Variants in CRPPA observed in about 807,000 individuals in gnomAD.
CRPPA encodes CDP-L-ribitol pyrophosphorylase A.
In CRPPA, 43 loss-of-function variants were observed where a neutral mutation model predicts 52.0. That is an observed-to-expected ratio of 0.83 (90% CI 0.65 to 1.07). CRPPA has a LOEUF of 1.07. Among genes scored for constraint, CRPPA ranks in the 50% least tolerant of loss-of-function variants. The probability of loss-of-function intolerance (pLI) is 0.00; values close to 1 mark genes in which losing one functional copy is unlikely to be tolerated. For missense variants in CRPPA, 629 were observed against 551.7 expected (o/e 1.14, Z -1.40); for synonymous variants, 250 against 203.5 (o/e 1.23, Z -1.94).
chr7:16,397,585 G>T (rs571393996), intron 2 of CRPPA, among the ~76,000 whole-genome samples: 2 of 139,234 alleles, frequency 1.4e-5, no homozygotes, highest in Non-Finnish European at 3.0e-5. Flanking sequence ...CATATGAGAC[G>T]TGACAGATTA....
intron 3 of CRPPA, among the ~76,000 whole-genome samples, chr7:16,316,514 ATAGATT>A (rs1446410774): frequency 2.6e-5 from 4 of 152,134 alleles, no homozygotes; most frequent in Non-Finnish European, 5.9e-5. Flanking sequence ...TCCTGAACAT[ATAGATT>A]TAATCAGTCT....
At chr7:16,259,554 C>T (rs1012874943) in intron 6 of CRPPA, among the ~76,000 whole-genome samples, 4 of 151,806 alleles carry the variant, frequency 2.6e-5, no homozygotes, top group South Asian at 2.1e-4. Flanking sequence ...ATAAGTAGTC[C>T]GAGATTAGAT....
At chr7:16,378,400 G>T (rs924540490) in intron 2 of CRPPA, among the ~76,000 whole-genome samples, 2 of 150,882 alleles carry the variant, frequency 1.3e-5, no homozygotes, top group South Asian at 4.2e-4. Context: ...TGAGAATGAT[G>T]ATTTCCAATT....
intron 9 of CRPPA, among the ~76,000 whole-genome samples, chr7:16,175,694 T>G (rs1167339512): frequency 6.6e-6 from 1 of 152,174 alleles, no homozygotes; most frequent in Non-Finnish European, 1.5e-5. Context: ...AAAGTGGCAA[T>G]AATGAGAAAA....
chr7:16,267,445 T>C lies in CRPPA; in HGVS notation c.934-8433A>G, dbSNP rs1484476710. 5.9e-5 allele frequency among the ~76,000 whole-genome samples: 9 copies of C among 152,200 alleles called. No homozygotes were observed. In the East Asian group the frequency reaches 9.6e-4, roughly 16 times the overall value. ...GATACTGATATAACTGATGCCTGGATCACACTTTGAGCCAGCAAAAGGTTC... is the reference window on the plus strand; with the variant it reads ...GATACTGATATAACTGATGCCTGGACCACACTTTGAGCCAGCAAAAGGTTC... On this transcript the variant is annotated intron_variant, in intron 6 of 9. Transcript: ENST00000407010.
At chr7:16,310,580 T>C (rs1361205176) in intron 3 of CRPPA, among the ~76,000 whole-genome samples, 1 of 152,082 alleles carries the variant, frequency 6.6e-6, no homozygotes. Context: ...CGGGGTAATA[T>C]TTAAAAAGGC....
chr7:16,132,899 G>A lies in CRPPA; in HGVS notation c.1252-41100C>T, dbSNP rs1267656973. Among the ~76,000 whole-genome samples the A allele has an allele frequency of 1.2e-4, 15 of 124,290 alleles. 2 individuals are homozygous for A. Among genetic ancestry groups the A allele is most frequent in the African/African-American group, 3.7e-4 (14 of 38,318 alleles). 81.5% of individuals were successfully genotyped at this position (124,290 alleles called of 152,430 possible). A position where few individuals can be genotyped will look rare whatever the true frequency, so the allele number is the denominator to read the frequency against. On this transcript the variant is annotated intron_variant, in intron 9 of 9. Transcript: ENST00000407010. ...TGGCTGGGCATGGTGGTTCATGCCT[G>A]AAGTCCCAGCACTCTGAGACGCTGA...
At chr7:16,335,759 A>G (rs763896751) in intron 3 of CRPPA, among the ~76,000 whole-genome samples, 1 of 152,228 alleles carries the variant, frequency 6.6e-6, no homozygotes, top group Non-Finnish European at 1.5e-5. Flanking sequence ...AAAGACAACA[A>G]CCATATACAG....
intron 2 of CRPPA, 103 bp from the exon 3 acceptor site, chr7:16,376,344 A>C: frequency 4.4e-6 from 5 of 1,137,342 alleles, no homozygotes; most frequent in Non-Finnish European, 6.1e-6. Flanking sequence ...TCATACCTTC[A>C]ACAAGCTACC....
intron 9 of CRPPA, among the ~76,000 whole-genome samples, chr7:16,122,438 A>T (rs539979897): frequency 2.6e-4 from 40 of 152,230 alleles, no homozygotes; most frequent in African/African-American, 9.6e-4. Flanking sequence ...GATAATCTTT[A>T]TAAGAACATG....
intron 3 of CRPPA, among the ~76,000 whole-genome samples, chr7:16,332,737 T>C (rs555549433): frequency 2.0e-5 from 3 of 152,030 alleles, no homozygotes; most frequent in African/African-American, 7.2e-5. Context: ...AAAACAAAAA[T>C]AGCAAGGACA....
intron 9 of CRPPA, among the ~76,000 whole-genome samples, chr7:16,187,996 T>A (rs541183857): frequency 3.4e-4 from 52 of 151,364 alleles, no homozygotes; most frequent in African/African-American, 1.2e-3. Flanking sequence ...CTTACATAAA[T>A]GAGGACCTGA....
intron 8 of CRPPA, among the ~76,000 whole-genome samples, chr7:16,239,664 C>T (rs528743639): frequency 2.0e-5 from 3 of 150,108 alleles, no homozygotes; most frequent in East Asian, 2.0e-4. Flanking sequence ...CCTAGGGCTA[C>T]GATCAATGTG....
intron 9 of CRPPA, among the ~76,000 whole-genome samples, chr7:16,099,926 T>C (rs1406656969): frequency 3.3e-5 from 5 of 152,184 alleles, no homozygotes; most frequent in Non-Finnish European, 4.4e-5. Context: ...CTCCAACCAC[T>C]GTAAGCCTAC....
intron 8 of CRPPA, among the ~76,000 whole-genome samples, chr7:16,231,938 G>T (rs931265126): frequency 2.6e-5 from 4 of 152,188 alleles, no homozygotes; most frequent in African/African-American, 9.7e-5. Flanking sequence ...ATGGTACATG[G>T]AGGAATCCAG....
intron 9 of CRPPA, among the ~76,000 whole-genome samples, chr7:16,115,264 G>C (rs1342978659): frequency 2.6e-5 from 4 of 152,082 alleles, no homozygotes; most frequent in Non-Finnish European, 5.9e-5. Context: ...TTTTCTAAGA[G>C]ATATGGGTTA....
intron 8 of CRPPA, among the ~76,000 whole-genome samples, chr7:16,249,592 C>T (rs984106887): frequency 6.6e-6 from 1 of 152,214 alleles, no homozygotes; most frequent in African/African-American, 2.4e-5. Context: ...CAAACAAGGT[C>T]TGAAGTGGAC....
chr7:16,383,733 G>T (rs1787179404), intron 2 of CRPPA, among the ~76,000 whole-genome samples: 1 of 152,236 alleles, frequency 6.6e-6, no homozygotes, highest in African/African-American at 2.4e-5. Context: ...CTGCCACCTT[G>T]CAGTTTGATC....
At chr7:16,254,820 A>G (rs916114887) in intron 8 of CRPPA, among the ~76,000 whole-genome samples, 3 of 149,126 alleles carry the variant, frequency 2.0e-5, no homozygotes, top group African/African-American at 4.9e-5. Context: ...AAAGAAAGAA[A>G]GAAAGAAAGA....
Sources: allele counts gnomAD v4.1 joint callset (sites outside exome capture counted in the v4.1 genomes callset), GRCh38; gene constraint gnomAD v4.1.1; transcripts MANE v1.5; gene names NCBI Gene and HGNC (gene_info 2026-07-23, HGNC 2026-07-21).